Variants in PKP1 observed in about 807,000 individuals in gnomAD.
PKP1 encodes the protein plakophilin-1.
PKP1 carries 27 observed loss-of-function variants against 76.4 expected under a neutral mutation model. That is an observed-to-expected ratio of 0.35 (90% CI 0.26 to 0.49). The LOEUF (loss-of-function observed/expected upper bound fraction) is 0.49, where lower values mean the gene tolerates loss of function less well. Ranked by LOEUF, PKP1 falls within the 20% of genes least tolerant of loss-of-function variation. PKP1 has a pLI of 0.99. For missense variants in PKP1, 964 were observed against 955.2 expected (o/e 1.01, Z -0.12); for synonymous variants, 404 against 384.2 (o/e 1.05, Z -0.60).
intron 2 of PKP1, among the ~76,000 whole-genome samples, chr1:201,301,907 C>T (rs1656244430): frequency 6.6e-6 from 1 of 152,186 alleles, no homozygotes; most frequent in African/African-American, 2.4e-5. Flanking sequence ...CCTCGGTTTC[C>T]TCATCTGTCA....
chr1:201,301,875 C>T (rs576103458), intron 2 of PKP1, among the ~76,000 whole-genome samples: 19 of 152,256 alleles, frequency 1.2e-4, no homozygotes, highest in African/African-American at 4.1e-4. Flanking sequence ...TTGCAGCACA[C>T]GCTAACTTAA....
At chr1:201,290,929 A>G (rs1258941035) in intron 1 of PKP1, among the ~76,000 whole-genome samples, 1 of 152,176 alleles carries the variant, frequency 6.6e-6, no homozygotes, top group Non-Finnish European at 1.5e-5. Flanking sequence ...AGCTAGCACC[A>G]TTACACTCAT....
intron 1 of PKP1, 140 bp from the exon 2 acceptor site, chr1:201,293,802 C>T: frequency 2.8e-6 from 2 of 702,162 alleles, no homozygotes; most frequent in South Asian, 3.0e-5. Flanking sequence ...AGATGACATT[C>T]CCCACCTTCT....
At chr1:201,311,083 G>C (rs1461538925) in intron 2 of PKP1, among the ~76,000 whole-genome samples, 3 of 152,246 alleles carry the variant, frequency 2.0e-5, no homozygotes, top group Non-Finnish European at 2.9e-5. Flanking sequence ...CGTTTATGGA[G>C]AACAAGGGTG....
intron 2 of PKP1, among the ~76,000 whole-genome samples, chr1:201,302,058 CTCAG>C (rs1656248424): frequency 6.6e-6 from 1 of 152,168 alleles, no homozygotes; most frequent in African/African-American, 2.4e-5. Flanking sequence ...GCGCTGTGTC[CTCAG>C]TCAGCTCTCA....
chr1:201,289,674 C>A, intron 1 of PKP1, among the ~76,000 whole-genome samples: 1 of 146,076 alleles, frequency 6.8e-6, no homozygotes, highest in East Asian at 2.0e-4. Flanking sequence ...CAGGCCCTAC[C>A]TTCTGGGAGG....
chr1:201,325,519 C>T (rs529617188), intron 11 of PKP1, among the ~76,000 whole-genome samples: 6 of 152,078 alleles, frequency 3.9e-5, no homozygotes, highest in African/African-American at 1.4e-4. Flanking sequence ...CACCTCATGG[C>T]CCCTGAGGAG....
At chr1:201,325,974 G>A (rs763367578) in intron 12 of PKP1, 136 bp downstream of exon 12, 9 of 694,794 alleles carry the variant, frequency 1.3e-5, no homozygotes, top group Middle Eastern at 2.8e-4. Context: ...CAAAGACAGC[G>A]TCTACGTGAA....
chr1:201,318,178 G>A (rs1294439224), intron 5 of PKP1, among the ~76,000 whole-genome samples: 1 of 152,122 alleles, frequency 6.6e-6, no homozygotes, highest in East Asian at 1.9e-4. Flanking sequence ...TCAAGGTGGG[G>A]GGCACAAGAG....
intron 2 of PKP1, among the ~76,000 whole-genome samples, chr1:201,302,668 C>T (rs1226258567): frequency 2.0e-5 from 3 of 152,160 alleles, no homozygotes; most frequent in African/African-American, 7.2e-5. Flanking sequence ...CAGCTGAAAA[C>T]AAAATCAGCT....
intron 1 of PKP1, among the ~76,000 whole-genome samples, chr1:201,291,102 G>T (rs998433439): frequency 6.6e-5 from 10 of 152,164 alleles, no homozygotes; most frequent in African/African-American, 2.4e-4. Flanking sequence ...CTGGCACACT[G>T]CGAGCTGTGA....
chr1:201,292,302 G>A (rs1374414106), intron 1 of PKP1, among the ~76,000 whole-genome samples: 1 of 152,192 alleles, frequency 6.6e-6, no homozygotes, highest in Non-Finnish European at 1.5e-5. Flanking sequence ...GGAGGTAAGA[G>A]GCCAACCCTC....
intron 2 of PKP1, among the ~76,000 whole-genome samples, chr1:201,303,484 A>T (rs551156161): frequency 3.4e-4 from 52 of 152,350 alleles, no homozygotes; most frequent in African/African-American, 1.2e-3. Context: ...AATGACAAAA[A>T]CCGGTATCTT....
At chr1:201,319,800 T>A (rs749998765) in intron 6 of PKP1, 3 of 1,613,648 alleles carry the variant, frequency 1.9e-6, no homozygotes, top group Non-Finnish European at 2.5e-6. Flanking sequence ...CAACAGGGCT[T>A]CTTCCTGTCC....
At chr1:201,326,489 G>A (rs1346389661) in intron 12 of PKP1, among the ~76,000 whole-genome samples, 1 of 152,252 alleles carries the variant, frequency 6.6e-6, no homozygotes, top group Non-Finnish European at 1.5e-5. Flanking sequence ...CCATTCCTCA[G>A]TGATAAGCAT....
At chr1:201,298,799 T>A (rs1656141660) in intron 2 of PKP1, among the ~76,000 whole-genome samples, 1 of 152,262 alleles carries the variant, frequency 6.6e-6, no homozygotes, top group South Asian at 2.1e-4. Context: ...CTAACTGATA[T>A]GTCTGTATTT....
chr1:201,290,095 G>C (rs190809741), intron 1 of PKP1, among the ~76,000 whole-genome samples: 9 of 152,336 alleles, frequency 5.9e-5, no homozygotes, highest in South Asian at 4.1e-4. Context: ...ACACAAGAAA[G>C]AATCAGCCTG....
intron 1 of PKP1, among the ~76,000 whole-genome samples, chr1:201,284,795 G>T (rs1655681525): frequency 6.6e-6 from 1 of 152,136 alleles, no homozygotes; most frequent in African/African-American, 2.4e-5. Context: ...CCGGGCCCCA[G>T]GGAGACCTCC....
At chr1:201,313,667 A>AT in intron 3 of PKP1, 107 bp downstream of exon 3, 12 of 1,200,442 alleles carry the variant, frequency 1.0e-5, no homozygotes, top group Middle Eastern at 2.9e-4. Flanking sequence ...GGAGAGACAT[A>AT]GCTTCTGTCC....
Sources: gnomAD v4.1 joint callset for allele counts (sites outside exome capture counted in the v4.1 genomes callset) on GRCh38, gnomAD v4.1.1 for gene constraint, MANE v1.5 for transcripts, NCBI Gene and HGNC (gene_info 2026-07-23, HGNC 2026-07-21) for gene names.